KCNH7: variants seen among roughly 807,000 people sequenced by gnomAD.
KCNH7 encodes potassium voltage-gated channel subfamily H member 7.
KCNH7 carries 49 observed loss-of-function variants against 120.8 expected under a neutral mutation model. The ratio of observed to expected loss-of-function variants is 0.41; its 90% CI spans 0.32 to 0.51. KCNH7 has a LOEUF of 0.51. Ranked by LOEUF, KCNH7 falls within the 20% of genes least tolerant of loss-of-function variation. KCNH7 has a pLI of 0.38. For synonymous variants in KCNH7, 547 were observed against 516.1 expected (o/e 1.06, Z -0.81); for missense variants, 1,097 against 1,446.6 (o/e 0.76, Z 3.92).
At chr2:162,410,129 C>A (rs556894278) in intron 9 of KCNH7, among the ~76,000 whole-genome samples, 1 of 151,790 alleles carries the variant, frequency 6.6e-6, no homozygotes, top group Non-Finnish European at 1.5e-5. Context: ...CAAAGGAATT[C>A]GAGGCAAAAA....
At chr2:162,676,727 C>G (rs1574253575) in intron 2 of KCNH7, among the ~76,000 whole-genome samples, 1 of 151,506 alleles carries the variant, frequency 6.6e-6, no homozygotes, top group East Asian at 1.9e-4. Context: ...ATAGTTACTA[C>G]AGTTATGGTT....
In KCNH7 at chr2:162,569,849, A is replaced by T. The variant is rs545890306; in HGVS notation, c.308-32769T>A. ...ATGTAGTTGAGTGGTTTTGAGTGAG[A>T]TTCTTAATCCTGAGTTCTAGTTTCA... On this transcript the variant is annotated intron_variant, in intron 2 of 15. Transcript: ENST00000332142. Among the ~76,000 whole-genome samples, 551 of 119,342 alleles carry T rather than the reference A, an allele frequency of 4.6e-3. 1 individual carries two copies. Among genetic ancestry groups the T allele is most frequent in the Admixed American group, 7.0e-3 (72 of 10,234 alleles). The allele number at this position is 119,342 out of a possible 152,430, so 78.3% of individuals were successfully genotyped here.
At chr2:162,578,630 T>C (rs964516448) in intron 2 of KCNH7, among the ~76,000 whole-genome samples, 4 of 152,062 alleles carry the variant, frequency 2.6e-5, no homozygotes, top group Non-Finnish European at 5.9e-5. Flanking sequence ...TGGAGTACTT[T>C]GTCCACTTTA....
chr2:162,686,551 A>G (rs1685899960), intron 2 of KCNH7, among the ~76,000 whole-genome samples: 1 of 152,136 alleles, frequency 6.6e-6, no homozygotes, highest in African/African-American at 2.4e-5. Flanking sequence ...ATGTTTTACA[A>G]ATGTTTGTCT....
intron 2 of KCNH7, among the ~76,000 whole-genome samples, chr2:162,809,617 G>C (rs7601793): frequency 6.6e-6 from 1 of 151,904 alleles, no homozygotes; most frequent in African/African-American, 2.4e-5. Context: ...TTTGGGGAGA[G>C]TAAGACCATT....
At chr2:162,440,519 A>G (rs1463326264) in intron 7 of KCNH7, among the ~76,000 whole-genome samples, 2 of 152,082 alleles carry the variant, frequency 1.3e-5, no homozygotes, top group African/African-American at 4.8e-5. Context: ...ATCAGAAACT[A>G]GTTTCTAGTC....
chr2:162,802,921 A>T (rs1684401416), intron 2 of KCNH7, among the ~76,000 whole-genome samples: 1 of 151,788 alleles, frequency 6.6e-6, no homozygotes, highest in Non-Finnish European at 1.5e-5. Context: ...TTAAAAATTC[A>T]GCTTCTCAGT....
At chr2:162,682,516 C>A (rs1341904388) in intron 2 of KCNH7, among the ~76,000 whole-genome samples, 1 of 151,604 alleles carries the variant, frequency 6.6e-6, no homozygotes, top group East Asian at 1.9e-4. Flanking sequence ...TTTAGATACT[C>A]TTATTTCAGA....
intron 9 of KCNH7, among the ~76,000 whole-genome samples, chr2:162,415,811 A>T (rs1312207845): frequency 2.0e-5 from 3 of 152,218 alleles, no homozygotes; most frequent in Non-Finnish European, 4.4e-5. Context: ...ATATTTAGAA[A>T]GCATGGGATA....
intron 2 of KCNH7, among the ~76,000 whole-genome samples, chr2:162,568,604 T>G (rs1693342920): frequency 6.6e-6 from 1 of 152,116 alleles, no homozygotes; most frequent in East Asian, 1.9e-4. Flanking sequence ...TTGTTAAACA[T>G]TTCTTGTTGA....
intron 2 of KCNH7, among the ~76,000 whole-genome samples, chr2:162,807,649 A>G (rs1398724142): frequency 6.6e-6 from 1 of 152,002 alleles, no homozygotes; most frequent in African/African-American, 2.4e-5. Flanking sequence ...GAAACTACAT[A>G]CTATTTATAA....
At chr2:162,393,385 A>AT (rs1686801124) in intron 12 of KCNH7, among the ~76,000 whole-genome samples, 1 of 151,986 alleles carries the variant, frequency 6.6e-6, no homozygotes, top group African/African-American at 2.4e-5. Context: ...GATATACTTA[A>AT]ATGATGGGCA....
At chr2:162,824,392 C>A (rs1259647706) in intron 2 of KCNH7, among the ~76,000 whole-genome samples, 2 of 152,114 alleles carry the variant, frequency 1.3e-5, no homozygotes, top group African/African-American at 4.8e-5. Flanking sequence ...TCATTAATGG[C>A]ATTTTTGTGT....
intron 6 of KCNH7, among the ~76,000 whole-genome samples, chr2:162,492,926 T>A (rs1690369341): frequency 6.9e-6 from 1 of 143,972 alleles, no homozygotes; most frequent in Non-Finnish European, 1.5e-5. Flanking sequence ...ACTGTATTAC[T>A]TTTCTCCATT....
intron 2 of KCNH7, among the ~76,000 whole-genome samples, chr2:162,762,062 C>A (rs10174514): frequency 0.16 from 24,378 of 151,872 alleles, 2,974 homozygotes; most frequent in East Asian, 0.54. Flanking sequence ...GCTCTCTTTG[C>A]CTCTCAAGAA....
At chr2:162,774,503 G>A (rs1169771202) in intron 2 of KCNH7, among the ~76,000 whole-genome samples, 1 of 152,118 alleles carries the variant, frequency 6.6e-6, no homozygotes, top group Non-Finnish European at 1.5e-5. Context: ...TGTGTGGAGG[G>A]TGGGTAACTG....
intron 2 of KCNH7, among the ~76,000 whole-genome samples, chr2:162,572,700 T>C (rs923023798): frequency 1.5e-5 from 2 of 137,522 alleles, no homozygotes; most frequent in African/African-American, 5.7e-5. Flanking sequence ...ATATACACCA[T>C]GGAATACTAT....
At position 162,578,066 on chromosome 2, in the gene KCNH7, G is replaced by A. The variant is rs910078002; in HGVS notation, c.308-40986C>T. Among the ~76,000 whole-genome samples the A allele has an allele frequency of 2.0e-5, 3 of 152,016 alleles. No individual in the cohort carries two copies. The East Asian group carries it at 5.9e-4, about 30-fold the overall frequency. On this transcript the variant is annotated intron_variant, in intron 2 of 15. Transcript: ENST00000332142. ...AATCCATGATCCTTCCACTAGTATT[G>A]GATTCCAAGGACTATGGAGACAAGC... is the stretch of plus-strand genomic sequence containing the variant.
At chr2:162,811,307 T>C (rs758858119) in intron 2 of KCNH7, among the ~76,000 whole-genome samples, 6 of 152,194 alleles carry the variant, frequency 3.9e-5, no homozygotes, top group Admixed American at 6.5e-5. Context: ...GAAAGGATTG[T>C]ATTTGAAAAT....
Sources: gnomAD v4.1 joint callset for allele counts (sites outside exome capture counted in the v4.1 genomes callset) on GRCh38, gnomAD v4.1.1 for gene constraint, MANE v1.5 for transcripts, NCBI Gene and HGNC (gene_info 2026-07-23, HGNC 2026-07-21) for gene names.